Variants in NOX4 observed in about 807,000 individuals in gnomAD.
NOX4 encodes NADPH oxidase 4.
Under a neutral mutation model 87.6 loss-of-function variants are expected in NOX4, and 69 were observed. The observed-to-expected ratio is 0.79, with a 90% CI of 0.65 to 0.96. The LOEUF is 0.96. NOX4 is among the 40% of genes least tolerant of loss of function. The probability of loss-of-function intolerance (pLI) is 0.00; values close to 1 mark genes in which losing one functional copy is unlikely to be tolerated. For synonymous variants in NOX4, 275 were observed against 238.2 expected (o/e 1.15, Z -1.42); for missense variants, 680 against 681.5 (o/e 1.00, Z 0.02).
intron 7 of NOX4, among the ~76,000 whole-genome samples, chr11:89,432,356 AAAAT>A (rs1184818494): frequency 2.6e-5 from 4 of 152,042 alleles, no homozygotes; most frequent in Admixed American, 1.3e-4. Flanking sequence ...TAATAATAAA[AAAAT>A]AAATAAAATA....
At chr11:89,532,337 C>T in the NOX4 span, among the ~76,000 whole-genome samples, 63 of 152,196 alleles carry the variant, frequency 4.1e-4, no homozygotes, top group African/African-American at 1.4e-3. Context: ...GGAGCCCACC[C>T]CTTGCAGCAG....
chr11:89,529,994 A>G, the NOX4 span, among the ~76,000 whole-genome samples: 1 of 152,290 alleles, frequency 6.6e-6, no homozygotes, highest in East Asian at 1.9e-4. Context: ...AATGGCAAAT[A>G]TCAGTTTTTA....
At chr11:89,445,864 G>C (rs1944679561) in intron 4 of NOX4, among the ~76,000 whole-genome samples, 1 of 152,072 alleles carries the variant, frequency 6.6e-6, no homozygotes, top group South Asian at 2.1e-4. Context: ...GAATTAATAA[G>C]CTGGCCTTCA....
At chr11:89,364,570 A>T (rs1355986771) in intron 12 of NOX4, among the ~76,000 whole-genome samples, 1 of 152,090 alleles carries the variant, frequency 6.6e-6, no homozygotes, top group Admixed American at 6.6e-5. Flanking sequence ...CCCTAAACCC[A>T]TACATGTAAT....
intron 4 of NOX4, among the ~76,000 whole-genome samples, chr11:89,445,869 C>G (rs190105510): frequency 4.6e-5 from 7 of 152,068 alleles, no homozygotes; most frequent in Non-Finnish European, 8.8e-5. Flanking sequence ...AATAAGCTGG[C>G]CTTCATTAAA....
At chr11:89,399,472 T>TATATATATATATATATATATA (rs1941697839) in intron 11 of NOX4, among the ~76,000 whole-genome samples, 2 of 140,274 alleles carry the variant, frequency 1.4e-5, no homozygotes, top group Admixed American at 7.3e-5. Context: ...TATATATATA[T>TATATATATATATATATATATA]TTGTTTTTTG....
chr11:89,548,316 A>T, the NOX4 span: 3 of 152,212 alleles, frequency 2.0e-5, no homozygotes, highest in Admixed American at 2.0e-4. Context: ...CTTCGACCAC[A>T]TGAGGATACA....
At chr11:89,494,363 T>C (rs1336066244), upstream of NOX4, among the ~76,000 whole-genome samples, 1 of 152,216 alleles carries the variant, frequency 6.6e-6, no homozygotes, top group Non-Finnish European at 1.5e-5. Context: ...TTGTAGACAG[T>C]GTTTTTCAAA....
intron 11 of NOX4, among the ~76,000 whole-genome samples, chr11:89,385,905 C>G (rs946668983): frequency 2.0e-5 from 3 of 152,102 alleles, no homozygotes; most frequent in Non-Finnish European, 2.9e-5. Context: ...CTTGGTTTGG[C>G]CTTCCCACCT....
At chr11:89,571,849 G>T in the NOX4 span, among the ~76,000 whole-genome samples, 1 of 152,134 alleles carries the variant, frequency 6.6e-6, no homozygotes, top group Admixed American at 6.5e-5. Context: ...GAATTTCCTT[G>T]TGGACAAAGG....
chr11:89,561,447 T>A, the NOX4 span, among the ~76,000 whole-genome samples: 1 of 152,050 alleles, frequency 6.6e-6, no homozygotes, highest in Non-Finnish European at 1.5e-5. Context: ...GTCTGCAACA[T>A]CTATCTTACA....
intron 7 of NOX4, among the ~76,000 whole-genome samples, chr11:89,424,795 T>C (rs1222965928): frequency 1.3e-5 from 2 of 152,096 alleles, no homozygotes; most frequent in African/African-American, 4.8e-5. Flanking sequence ...CATTTCACTA[T>C]CAGAAATCAA....
the NOX4 span, among the ~76,000 whole-genome samples, chr11:89,537,820 G>C: frequency 1.3e-5 from 2 of 152,018 alleles, no homozygotes; most frequent in Non-Finnish European, 2.9e-5. Context: ...ACTAATTCCA[G>C]GCAAGCAAGC....
the NOX4 span, among the ~76,000 whole-genome samples, chr11:89,553,030 C>T: frequency 4.6e-5 from 7 of 152,140 alleles, no homozygotes; most frequent in Non-Finnish European, 8.8e-5. Flanking sequence ...ATACCTCCTG[C>T]CACTCACCCC....
chr11:89,541,013 A>C, the NOX4 span, among the ~76,000 whole-genome samples: 76 of 152,068 alleles, frequency 5.0e-4, no homozygotes, highest in African/African-American at 1.8e-3. Flanking sequence ...CTGAGGACTT[A>C]CCAAGGTGTT....
At chr11:89,547,445 G>A in the NOX4 span, among the ~76,000 whole-genome samples, 1 of 152,120 alleles carries the variant, frequency 6.6e-6, no homozygotes. Context: ...ATAAACTGGT[G>A]AGATATAATT....
chr11:89,387,247 C>A (rs1484195038), intron 11 of NOX4, among the ~76,000 whole-genome samples: 1 of 152,126 alleles, frequency 6.6e-6, no homozygotes, highest in East Asian at 1.9e-4. Context: ...CCTGAAGTAA[C>A]TGAAGAGTCA....
intron 13 of NOX4, among the ~76,000 whole-genome samples, chr11:89,343,293 T>A (rs931244056): frequency 6.6e-6 from 1 of 152,100 alleles, no homozygotes; most frequent in African/African-American, 2.4e-5. Flanking sequence ...CACACAAATA[T>A]CAGAAATACA....
chr11:89,328,859 T>TGCA (rs1945329739), intron 17 of NOX4, among the ~76,000 whole-genome samples: 1 of 151,800 alleles, frequency 6.6e-6, no homozygotes, highest in Admixed American at 6.6e-5. Context: ...ACCAGGGAAG[T>TGCA]GCATGCACAG....
Sources: allele counts gnomAD v4.1 joint callset (sites outside exome capture counted in the v4.1 genomes callset), GRCh38; gene constraint gnomAD v4.1.1; transcripts MANE v1.5; gene names NCBI Gene and HGNC (gene_info 2026-07-23, HGNC 2026-07-21).